Variants in MGAT4C observed in about 807,000 individuals in gnomAD.
MGAT4C encodes the protein MGAT4 family member C, also known as alpha-1,3-mannosyl-glycoprotein 4-beta-N-acetylglucosaminyltransferase C.
In MGAT4C, 19 loss-of-function variants were observed where a neutral mutation model predicts 40.1. That is an observed-to-expected ratio of 0.47 (90% confidence interval 0.33 to 0.70). The LOEUF (loss-of-function observed/expected upper bound fraction) is 0.70. Ranked by LOEUF, MGAT4C falls within the 30% of genes least tolerant of loss-of-function variation. MGAT4C has a pLI of 0.02. For synonymous variants in MGAT4C, 181 were observed against 187.1 expected (o/e 0.97, Z 0.27); for missense variants, 491 against 563.2 (o/e 0.87, Z 1.30).
At chr12:86,127,099 C>T (rs890961213) in intron 1 of MGAT4C, among the ~76,000 whole-genome samples, 1 of 152,164 alleles carries the variant, frequency 6.6e-6, no homozygotes. Context: ...GGCTCACCAC[C>T]TGCTGTGTGA....
intron 2 of MGAT4C, among the ~76,000 whole-genome samples, chr12:86,653,519 GT>G (rs976569035): frequency 6.6e-6 from 1 of 151,882 alleles, no homozygotes; most frequent in Non-Finnish European, 1.5e-5. Flanking sequence ...TGTATAAGGA[GT>G]TTTTTTAGCT....
chr12:86,535,104 C>A (rs888110764), intron 2 of MGAT4C, among the ~76,000 whole-genome samples: 6 of 152,018 alleles, frequency 3.9e-5, no homozygotes, highest in African/African-American at 1.4e-4. Context: ...AGAGTGAAAG[C>A]ATTTGCAGTC....
chr12:86,311,092 C>T (rs1286808208), intron 4 of MGAT4C, among the ~76,000 whole-genome samples: 1 of 152,218 alleles, frequency 6.6e-6, no homozygotes, highest in Non-Finnish European at 1.5e-5. Flanking sequence ...CCATTAGTTA[C>T]AGTCATGCAT....
intron 2 of MGAT4C, among the ~76,000 whole-genome samples, chr12:86,530,579 T>A (rs1282852858): frequency 6.6e-6 from 1 of 152,084 alleles, no homozygotes; most frequent in Non-Finnish European, 1.5e-5. Context: ...CTCTTTAATT[T>A]TCTAAGGTCT....
chr12:85,994,747 G>A (rs566211369), intron 2 of MGAT4C, among the ~76,000 whole-genome samples: 52 of 152,212 alleles, frequency 3.4e-4, no homozygotes, highest in African/African-American at 1.2e-3. Flanking sequence ...AACAGACTCC[G>A]GGATTAGTCC....
chr12:86,404,786 A>G (rs1331583036), intron 3 of MGAT4C, among the ~76,000 whole-genome samples: 1 of 152,188 alleles, frequency 6.6e-6, no homozygotes, highest in African/African-American at 2.4e-5. Context: ...ATAAAAGATG[A>G]TTGATCATCT....
intron 2 of MGAT4C, among the ~76,000 whole-genome samples, chr12:86,637,347 G>T (rs997008372): frequency 6.6e-6 from 1 of 151,742 alleles, no homozygotes; most frequent in Non-Finnish European, 1.5e-5. Context: ...TAAAATTTTA[G>T]CTTGGTATTC....
At chr12:86,338,583 A>G (rs1466566346) in intron 3 of MGAT4C, among the ~76,000 whole-genome samples, 2 of 152,162 alleles carry the variant, frequency 1.3e-5, no homozygotes, top group Non-Finnish European at 2.9e-5. Flanking sequence ...AGTTCAGCCT[A>G]TGCCCAGGAA....
chr12:86,559,696 A>T (rs57699835), intron 2 of MGAT4C, among the ~76,000 whole-genome samples: 2,035 of 152,084 alleles, frequency 0.013, 52 homozygotes, highest in African/African-American at 0.046. Flanking sequence ...CTACATCAAA[A>T]AGGATAAATT....
At chr12:86,224,021 G>A (rs1950982095) in intron 1 of MGAT4C, among the ~76,000 whole-genome samples, 1 of 152,108 alleles carries the variant, frequency 6.6e-6, no homozygotes, top group Non-Finnish European at 1.5e-5. Context: ...ACTACTACCA[G>A]CATTTAAGCA....
chr12:86,266,196 G>A (rs1211523584), intron 4 of MGAT4C, among the ~76,000 whole-genome samples: 5 of 152,226 alleles, frequency 3.3e-5, no homozygotes, highest in African/African-American at 4.8e-5. Context: ...TGGTGCAAGC[G>A]GGCATTCTTG....
chr12:86,665,719 T>C (rs545322973), intron 2 of MGAT4C, among the ~76,000 whole-genome samples: 10 of 152,292 alleles, frequency 6.6e-5, no homozygotes, highest in African/African-American at 2.4e-4. Context: ...TTTTAAATTA[T>C]ACAATTTAAT....
intron 1 of MGAT4C, among the ~76,000 whole-genome samples, chr12:86,101,403 T>A (rs564000294): frequency 7.2e-5 from 11 of 151,886 alleles, no homozygotes; most frequent in Admixed American, 2.0e-4. Context: ...AAAGGAAAAA[T>A]TCTTAACTGC....
chr12:86,174,838 C>T (rs752408963), intron 1 of MGAT4C, among the ~76,000 whole-genome samples: 39 of 152,034 alleles, frequency 2.6e-4, no homozygotes, highest in Non-Finnish European at 2.6e-4. Flanking sequence ...ATATTTTCTT[C>T]GGTAAGCTTA....
chr12:86,233,711 T>C (rs1411125345), intron 1 of MGAT4C, among the ~76,000 whole-genome samples: 2 of 152,176 alleles, frequency 1.3e-5, no homozygotes, highest in Admixed American at 6.6e-5. Context: ...ATATGAGCAT[T>C]TAAAAAATTT....
intron 4 of MGAT4C, among the ~76,000 whole-genome samples, chr12:86,324,429 ATTAAT>A (rs1954473897): frequency 6.6e-6 from 1 of 151,820 alleles, no homozygotes; most frequent in African/African-American, 2.4e-5. Flanking sequence ...TATATTCTAC[ATTAAT>A]TTTATTTTAT....
intron 1 of MGAT4C, among the ~76,000 whole-genome samples, chr12:86,240,216 G>A (rs905340628): frequency 2.7e-5 from 4 of 146,498 alleles, no homozygotes; most frequent in African/African-American, 7.8e-5. Context: ...ATATATATAT[G>A]TGTATTTTGT....
intron 2 of MGAT4C, among the ~76,000 whole-genome samples, chr12:86,669,062 C>T (rs1565914866): frequency 6.6e-6 from 1 of 152,126 alleles, no homozygotes; most frequent in Admixed American, 6.5e-5. Context: ...CAACCCGAGC[C>T]ACACCACCTT....
chr12:86,262,868 TG>T (rs1488246450), intron 4 of MGAT4C, among the ~76,000 whole-genome samples: 1 of 152,156 alleles, frequency 6.6e-6, no homozygotes, highest in Non-Finnish European at 1.5e-5. Context: ...ACTTATTATT[TG>T]TACTTCCAAA....
Sources: allele counts gnomAD v4.1 joint callset (sites outside exome capture counted in the v4.1 genomes callset), GRCh38; gene constraint gnomAD v4.1.1; transcripts MANE v1.5; gene names NCBI Gene and HGNC (gene_info 2026-07-23, HGNC 2026-07-21).